Variants in SYMPK observed in about 807,000 individuals in gnomAD.
SYMPK encodes symplekin scaffold protein.
In SYMPK, 49 loss-of-function variants were observed where a neutral mutation model predicts 136.4. The ratio of observed to expected loss-of-function variants is 0.36; its 90% CI spans 0.29 to 0.46. SYMPK has a LOEUF of 0.46. SYMPK is among the 20% of genes least tolerant of loss of function. SYMPK has a pLI of 1.00. For synonymous variants in SYMPK, 766 were observed against 713.0 expected (o/e 1.07, Z -1.19); for missense variants, 1,365 against 1,690.0 (o/e 0.81, Z 3.37).
intron 19 of SYMPK, 62 bp from the exon 20 acceptor site, chr19:45,823,534 C>T: frequency 6.6e-7 from 1 of 1,512,492 alleles, no homozygotes; most frequent in South Asian, 1.1e-5. Flanking sequence ...AAAGGGTGGG[C>T]ACCCAGGAAA....
chr19:45,818,584 G>C (rs1254773506), intron 22 of SYMPK, among the ~76,000 whole-genome samples: 2 of 152,220 alleles, frequency 1.3e-5, no homozygotes, highest in East Asian at 3.8e-4. Context: ...TGCCCACCCA[G>C]TCCTGACAAG....
At chr19:45,840,311 T>TCAAAAAA (rs1971404578) in intron 9 of SYMPK, among the ~76,000 whole-genome samples, 1 of 53,148 alleles carries the variant, frequency 1.9e-5, no homozygotes, top group African/African-American at 9.2e-5. Flanking sequence ...CGAGACTGTC[T>TCAAAAAA]CAAAAAAAAA....
In SYMPK at chr19:45,839,087, CCAT is replaced by C. The variant is rs533607561; in HGVS notation, c.1088-475_1088-473del. Among the ~76,000 whole-genome samples, 394 of 152,162 alleles carry C rather than the reference CCAT, an allele frequency of 2.6e-3. 1 individual carries two copies. The highest frequency in any genetic ancestry group is 8.8e-3 in the African/African-American group (366 of 41,506). ...TATTTTTAGTAGAGATGGGGTTTCA[CCAT>C]GTTGGCCAGGCTGGTCTCAAATTTC... is the stretch of plus-strand genomic sequence containing the variant. On this transcript the variant is annotated intron_variant, in intron 9 of 26. Coordinates refer to ENST00000245934, the MANE Select transcript of SYMPK (RefSeq NM_004819.3).
At chr19:45,827,700 G>T in intron 15 of SYMPK, 77 bp from the exon 16 acceptor site, 3 of 1,510,168 alleles carry the variant, frequency 2.0e-6, no homozygotes, top group South Asian at 1.1e-5. Context: ...GCCTGCCTCT[G>T]ATCAGGTACC....
At chr19:45,822,951 T>C in intron 20 of SYMPK, 105 bp from the exon 21 acceptor site, 1 of 888,852 alleles carries the variant, frequency 1.1e-6, no homozygotes, top group Non-Finnish European at 1.8e-6. Context: ...GAGGGCAAGC[T>C]CTGGCTCACT....
chr19:45,824,886 AAC>A (rs1294998239), intron 18 of SYMPK, among the ~76,000 whole-genome samples: 1 of 152,164 alleles, frequency 6.6e-6, no homozygotes, highest in Non-Finnish European at 1.5e-5. Context: ...GAGGGACTGG[AAC>A]GTCTTCCCCA....
Position 45,844,087 on chromosome 19 carries a change from C to T in SYMPK, c.790G>A (p.Ala264Thr), listed in dbSNP as rs753085479. 15 of 1,610,284 alleles carry T rather than the reference C, an allele frequency of 9.3e-6. No individual in the cohort carries two copies. Among genetic ancestry groups the T allele is most frequent in the Admixed American group, 1.7e-5 (1 of 59,622 alleles). The change falls in exon 8 of 27, where the codon GCC becomes ACC. Residue 264 changes from alanine to threonine, a missense_variant. By Grantham distance (58) the Ala-to-Thr change is moderately conservative. This residue lies in a region of SYMPK where 237 missense variants were observed against 292.9 expected (regional missense o/e 0.81). Coordinates refer to ENST00000245934, the MANE Select transcript of SYMPK (RefSeq NM_004819.3). ...TTALGSLANI[A>T]RQRPMFMSEV... ...GACATGAACATGGGTCTCTGGCGGG[C>T]GATATTGGCAAGGGAGCCCAGCGCT... is the stretch of plus-strand genomic sequence containing the variant.
chr19:45,823,674 C>G, intron 19 of SYMPK, 93 bp downstream of exon 19: 1 of 1,176,230 alleles, frequency 8.5e-7, no homozygotes, highest in Non-Finnish European at 1.2e-6. Flanking sequence ...AGAGGTACGA[C>G]CATCTGGGGA....
chr19:45,848,290 CA>C (rs1971615391), intron 6 of SYMPK, among the ~76,000 whole-genome samples: 1 of 152,210 alleles, frequency 6.6e-6, no homozygotes, highest in East Asian at 1.9e-4. Flanking sequence ...GCTGACTTCA[CA>C]AGGTGGTGGT....
Position 45,816,003 on chromosome 19 carries a change from G to A in SYMPK, c.3535C>T (p.Arg1179Trp), listed in dbSNP as rs1256158863. 6.2e-7 allele frequency: 1 copy of A among 1,601,652 alleles called. No homozygotes were observed. The highest frequency in any genetic ancestry group is 8.5e-7 in the Non-Finnish European group (1 of 1,174,714). Residue 1179 changes from arginine to tryptophan, a missense_variant, in exon 26 of 27, where the codon CGG becomes TGG. Physicochemically the swap from Arg to Trp is moderately radical, Grantham distance 101. This residue lies in a region of SYMPK where 341 missense variants were observed against 270.5 expected (regional missense o/e 1.26). Transcript: ENST00000245934. ...TCCTCAGACGGGGGCGGGCCTGGCC[G>A]GGCCGACGGAGAGGGAGAGGGGGAG... The part of the protein sequence containing the change: ...SSSPSPSPSA[R>W]PGPPPSEEAM...
intron 13 of SYMPK, among the ~76,000 whole-genome samples, chr19:45,829,729 A>G (rs951956280): frequency 6.6e-6 from 1 of 152,198 alleles, no homozygotes; most frequent in Non-Finnish European, 1.5e-5. Flanking sequence ...TTCTAAAGCT[A>G]AATAGTAACA....
rs558439916 is a variant in SYMPK at position 45,816,801 on chromosome 19, G to T, written c.3255C>A (p.His1085Gln). The T allele has an allele frequency of 3.3e-6, 5 of 1,532,816 alleles. No homozygotes were observed. In the South Asian group the frequency reaches 6.0e-5, roughly 18 times the overall value. The allele number at this position is 1,532,816 out of a possible 1,614,324, so 95.0% of individuals were successfully genotyped here. Residue 1085 changes from histidine (H) to glutamine (Q), a missense_variant, in exon 24 of 27, where the codon CAC becomes CAA. Around this residue, in one of 11 missense-constraint regions of SYMPK, gnomAD observed 341 missense variants for 270.5 expected, o/e 1.26. Transcript: ENST00000245934. ...ACCTGGTGGGGGGAAGGGGTACCTG[G>T]TGGGGGGTGAAGGAGCGGACATGGG... Reference protein sequence around the residue: ...LLAHVRSFTPHQQAHIPNSIM... With the variant: ...LLAHVRSFTPQQQAHIPNSIM...
chr19:45,848,694 G>GT, intron 6 of SYMPK, 56 bp downstream of exon 6: 1 of 1,608,568 alleles, frequency 6.2e-7, no homozygotes, highest in Non-Finnish European at 8.5e-7. Context: ...CAACATATTA[G>GT]TTTGTCAACG....
chr19:45,859,535 C>T (rs1324314458), intron 1 of SYMPK, among the ~76,000 whole-genome samples: 1 of 151,864 alleles, frequency 6.6e-6, no homozygotes, highest in African/African-American at 2.4e-5. Flanking sequence ...GGGAGGCAGA[C>T]GTTGCAGCGA....
chr19:45,829,497 C>G (rs1348453774), intron 13 of SYMPK, among the ~76,000 whole-genome samples: 3 of 152,058 alleles, frequency 2.0e-5, no homozygotes, highest in Admixed American at 6.5e-5. Context: ...CTCATTTGTG[C>G]CTTTGTCACC....
intron 1 of SYMPK, among the ~76,000 whole-genome samples, chr19:45,859,256 A>T (rs1330073119): frequency 6.7e-6 from 1 of 149,124 alleles, no homozygotes; most frequent in Non-Finnish European, 1.5e-5. Flanking sequence ...TACTTGTTCT[A>T]CTTTTTCCCC....
In SYMPK at chr19:45,852,302, C is replaced by T. The variant is rs751835809; in HGVS notation, c.299+10G>A. ...AGAATGCTCCCGGGGCTCCGTGCCT[C>T]GCCCCATACCATGCCTCCTCGATGA... On this transcript the variant is annotated intron_variant, in intron 5 of 26. Coordinates refer to ENST00000245934, the MANE Select transcript of SYMPK (RefSeq NM_004819.3). 13 of 1,614,058 alleles carry T rather than the reference C, an allele frequency of 8.1e-6. 1 individual carries two copies. The highest frequency in any genetic ancestry group is 6.7e-5 in the East Asian group (3 of 44,900).
At position 45,854,481 on chromosome 19, in the gene SYMPK, A is replaced by G. The variant is rs1274149116; in HGVS notation, c.15T>C (p.Ser5=). The G allele has an allele frequency of 6.2e-7, 1 of 1,613,772 alleles. No individual in the cohort carries two copies. The highest frequency in any genetic ancestry group is 1.3e-5 in the African/African-American group (1 of 74,928). Residue 5 remains serine (S), a synonymous_variant, in exon 2 of 27, where the codon AGT becomes AGC. Transcript: ENST00000245934. ...CGCTCCGACGGGTGACGCTGTCTCC[A>G]CTGCCGCTCGCCATGGCTGCTGTCA... is the stretch of plus-strand genomic sequence containing the variant. MASG[S]GDSVTRRSVA... is the part of the protein sequence containing the mutation.
chr19:45,839,938 T>A (rs868312417), intron 9 of SYMPK, among the ~76,000 whole-genome samples: 5 of 152,194 alleles, frequency 3.3e-5, no homozygotes, highest in Non-Finnish European at 5.9e-5. Context: ...AGCTTATTAC[T>A]GACAAAGATA....
Sources: allele counts gnomAD v4.1 joint callset (sites outside exome capture counted in the v4.1 genomes callset), GRCh38; gene constraint gnomAD v4.1.1; regional missense constraint gnomAD v4.1.1; transcripts MANE v1.5; gene names NCBI Gene and HGNC (gene_info 2026-07-23, HGNC 2026-07-21).